The following BLOC1S5 variants were observed in gnomAD, a reference collection of about 807,000 sequenced individuals.
BLOC1S5 encodes biogenesis of lysosome-related organelles complex 1 subunit 5.
A neutral mutation model predicts 24.3 loss-of-function variants in BLOC1S5; 27 were observed. The ratio of observed to expected loss-of-function variants is 1.11; its 90% CI spans 0.82 to 1.53. BLOC1S5 has a LOEUF of 1.53. BLOC1S5 is among the 40% of genes most tolerant of loss of function. The pLI, the probability that BLOC1S5 is intolerant of heterozygous loss-of-function variation, is 0.00. For missense variants in BLOC1S5, 239 were observed against 229.4 expected, an observed-to-expected ratio of 1.04 and a Z score of -0.27; for synonymous variants, 84 against 74.5, an observed-to-expected ratio of 1.13 and a Z score of -0.66.
intron 4 of BLOC1S5, among the ~76,000 whole-genome samples, chr6:8,020,273 C>T (rs1230788521): frequency 1.3e-5 from 2 of 152,220 alleles, no homozygotes; most frequent in Non-Finnish European, 2.9e-5. Context: ...ATACTGCTGA[C>T]CTCGTCTGAG....
At chr6:8,031,263 T>C (rs1266806646) in intron 3 of BLOC1S5, among the ~76,000 whole-genome samples, 1 of 152,172 alleles carries the variant, frequency 6.6e-6, no homozygotes, top group Non-Finnish European at 1.5e-5. Context: ...CTATAACTGG[T>C]AAATGAATTC....
At chr6:8,051,427 G>C (rs531981556) in intron 2 of BLOC1S5, among the ~76,000 whole-genome samples, 57 of 152,294 alleles carry the variant, frequency 3.7e-4, no homozygotes, top group Admixed American at 2.3e-3. Flanking sequence ...TGGTTCATGA[G>C]ATTTAAGGAA....
Position 8,036,821 on chromosome 6 carries a change from T to G in BLOC1S5, c.325+4318A>C, listed in dbSNP as rs1277194037. Among the ~76,000 whole-genome samples the G allele has an allele frequency of 2.0e-5, 3 of 152,230 alleles. No homozygotes were observed. In the East Asian group the frequency reaches 5.8e-4, roughly 29 times the overall value. On this transcript the variant is annotated intron_variant, in intron 3 of 4. Transcript: ENST00000397457. ...TTCAACAACATGTTAAAAAGATCAT[T>G]CACCATGATCAAGCAGGATTTATCC...
intron 2 of BLOC1S5, among the ~76,000 whole-genome samples, chr6:8,052,480 T>A (rs780945019): frequency 1.3e-5 from 2 of 152,134 alleles, no homozygotes; most frequent in African/African-American, 2.4e-5. Flanking sequence ...GTATCAACAT[T>A]AACAGGAGTT....
intron 4 of BLOC1S5, among the ~76,000 whole-genome samples, chr6:8,021,735 T>C (rs1373438647): frequency 1.3e-5 from 2 of 150,452 alleles, no homozygotes; most frequent in Non-Finnish European, 2.9e-5. Flanking sequence ...AAATGTTATA[T>C]TATATGAATT....
intron 2 of BLOC1S5, among the ~76,000 whole-genome samples, chr6:8,062,057 C>T (rs564696228): frequency 1.5e-4 from 23 of 152,214 alleles, no homozygotes; most frequent in African/African-American, 4.3e-4. Flanking sequence ...CAGAAAGAAT[C>T]GACATTTATG....
chr6:8,026,803 G>A (rs542106386), intron 3 of BLOC1S5, among the ~76,000 whole-genome samples: 1 of 152,278 alleles, frequency 6.6e-6, no homozygotes, highest in South Asian at 2.1e-4. Flanking sequence ...GGCTGCCAGT[G>A]CAAGATTCAA....
chr6:8,041,340 T>C, intron 2 of BLOC1S5, 72 bp from the exon 3 acceptor site: 1 of 1,034,100 alleles, frequency 9.7e-7, no homozygotes, highest in Non-Finnish European at 1.3e-6. Context: ...TGAAATGGAG[T>C]CTCGCTCTGT....
chr6:8,040,857 A>G (rs78160620), intron 3 of BLOC1S5, among the ~76,000 whole-genome samples: 1 of 133,178 alleles, frequency 7.5e-6, no homozygotes, highest in African/African-American at 3.4e-5. Context: ...CTGTGCCTCC[A>G]AAAAAAAAAA....
intron 3 of BLOC1S5, among the ~76,000 whole-genome samples, chr6:8,039,965 C>T (rs1015134012): frequency 1.3e-5 from 2 of 152,236 alleles, no homozygotes; most frequent in South Asian, 2.1e-4. Flanking sequence ...ACCAAGCCTC[C>T]GAGCACCACA....
At chr6:8,038,610 G>A (rs1276442306) in intron 3 of BLOC1S5, among the ~76,000 whole-genome samples, 1 of 152,132 alleles carries the variant, frequency 6.6e-6, no homozygotes, top group African/African-American at 2.4e-5. Flanking sequence ...TCAGCCTCCT[G>A]AGTAGCTGGG....
At chr6:8,063,850 A>G (rs139976342) in intron 1 of BLOC1S5, among the ~76,000 whole-genome samples, 17 of 152,306 alleles carry the variant, frequency 1.1e-4, no homozygotes, top group Non-Finnish European at 2.4e-4. Flanking sequence ...TCCTCGCACG[A>G]CCAGGAACAG....
Position 8,064,327 on chromosome 6 carries a change from C to T in BLOC1S5, c.50G>A (p.Gly17Asp), listed in dbSNP as rs761808728. The stretch of plus-strand genomic sequence containing the variant: ...GGAGTCCCTCTTCTTGCTGCCACCG[C>T]CCGGGGCGGCCTCACAACCCACAGG... The part of the protein sequence containing the change: ...ETPVGCEAAP[G>D]GGSKKRDSLG... The change falls in exon 1 of 5, where the codon GGC becomes GAC. Residue 17 changes from glycine (G) to aspartate (D), a missense_variant. Coordinates refer to ENST00000397457, the MANE Select transcript of BLOC1S5 (RefSeq NM_201280.3). 1.2e-6 allele frequency: 2 copies of T among 1,613,212 alleles called. No individual in the cohort carries two copies. Among genetic ancestry groups the T allele is most frequent in the African/African-American group, 2.7e-5 (2 of 74,936 alleles).
chr6:8,030,960 G>A (rs1033936463), intron 3 of BLOC1S5, among the ~76,000 whole-genome samples: 1 of 151,538 alleles, frequency 6.6e-6, no homozygotes, highest in Non-Finnish European at 1.5e-5. Context: ...CAGCAAAACC[G>A]GTATAGAAGG....
chr6:8,058,071 G>GACT (rs1349462545), intron 2 of BLOC1S5, among the ~76,000 whole-genome samples: 2 of 152,098 alleles, frequency 1.3e-5, no homozygotes, highest in Non-Finnish European at 2.9e-5. Flanking sequence ...TGTCTTGTAT[G>GACT]ACTGGTACCT....
chr6:8,056,553 T>C lies in BLOC1S5; in HGVS notation c.195+5981A>G, dbSNP rs537403256. Among the ~76,000 whole-genome samples, 68 of 152,116 alleles carry C rather than the reference T, an allele frequency of 4.5e-4. 1 individual carries two copies. The South Asian group carries it at 0.014, about 30-fold the overall frequency. The stretch of plus-strand genomic sequence containing the variant: ...TTGTAATCTGGAAGAATCGAGAGAG[T>C]AGTGGAAACTATTTCAATGCTTATG... On this transcript the variant is annotated intron_variant, in intron 2 of 4. Transcript: ENST00000397457.
In BLOC1S5 at chr6:8,062,024, G is replaced by A. The variant is rs148176484; in HGVS notation, c.195+510C>T. On this transcript the variant is annotated intron_variant, in intron 2 of 4. Transcript: ENST00000397457. ...CAGGGTGAAAACTGGATTTGACTTC[G>A]TTGATAAAGCAGGCAAACCTGTCAG... is the stretch of plus-strand genomic sequence containing the variant. Among the ~76,000 whole-genome samples, 30 of 152,288 alleles carry A rather than the reference G, an allele frequency of 2.0e-4. 1 individual carries two copies. In the East Asian group the frequency reaches 4.8e-3, roughly 24 times the overall value.
chr6:8,042,046 C>T (rs1763712896), intron 2 of BLOC1S5: 1 of 152,090 alleles, frequency 6.6e-6, no homozygotes, highest in Non-Finnish European at 1.5e-5. Context: ...AATTATTTGG[C>T]AATAAATGCC....
intron 4 of BLOC1S5, among the ~76,000 whole-genome samples, chr6:8,020,487 A>G (rs1318740964): frequency 6.6e-6 from 1 of 152,056 alleles, no homozygotes; most frequent in African/African-American, 2.4e-5. Context: ...ACACTAATTC[A>G]TTTCCCTAAG....
Sources: gnomAD v4.1 joint callset for allele counts (sites outside exome capture counted in the v4.1 genomes callset) on GRCh38, gnomAD v4.1.1 for gene constraint, MANE v1.5 for transcripts, NCBI Gene and HGNC (gene_info 2026-07-23, HGNC 2026-07-21) for gene names.